Variants in WDR41 observed in about 807,000 individuals in gnomAD.
WDR41 encodes WD repeat domain 41, also known as WD repeat-containing protein 41.
In WDR41, 63 loss-of-function variants were observed where a neutral mutation model predicts 69.3. The ratio of observed to expected loss-of-function variants is 0.91; its 90% confidence interval spans 0.74 to 1.12. The LOEUF (loss-of-function observed/expected upper bound fraction) is 1.12, where lower values mean the gene tolerates loss of function less well. Among genes scored for constraint, WDR41 ranks in the 50% most tolerant of loss-of-function variants. The pLI, the probability that WDR41 is intolerant of heterozygous loss-of-function variation, is 0.00. For synonymous variants in WDR41, 185 were observed against 192.1 expected (o/e 0.96, Z 0.31); for missense variants, 543 against 534.5 (o/e 1.02, Z -0.16).
At chr5:77,596,362 G>T (rs1744227913) in intron 1 of WDR41, among the ~76,000 whole-genome samples, 1 of 152,074 alleles carries the variant, frequency 6.6e-6, no homozygotes, top group Non-Finnish European at 1.5e-5. Context: ...TGGCCAGGAT[G>T]GTCTTGATCT....
intron 1 of WDR41, among the ~76,000 whole-genome samples, chr5:77,507,173 A>T (rs1802122188): frequency 6.6e-6 from 1 of 152,236 alleles, no homozygotes; most frequent in Non-Finnish European, 1.5e-5. Flanking sequence ...GATCTAGCTT[A>T]AAAATAATCA....
At chr5:77,503,877 G>C (rs1228825563) in intron 1 of WDR41, among the ~76,000 whole-genome samples, 6 of 152,168 alleles carry the variant, frequency 3.9e-5, no homozygotes, top group African/African-American at 1.4e-4. Context: ...ACTTAAAGCA[G>C]TGTGTAGAGG....
At chr5:77,483,481 CGTGTGT>C (rs35574463) in intron 2 of WDR41, among the ~76,000 whole-genome samples, 53,734 of 142,988 alleles carry the variant, frequency 0.38, 10,384 homozygotes, top group Non-Finnish European at 0.43. Context: ...CCTGAATACT[CGTGTGT>C]GTGTGTGTGT....
chr5:77,601,568 A>G (rs563578652), intron 1 of WDR41, among the ~76,000 whole-genome samples: 2 of 152,302 alleles, frequency 1.3e-5, no homozygotes, highest in Admixed American at 1.3e-4. Context: ...TGCATTGTAG[A>G]AAACCTTCAC....
chr5:77,569,565 C>G lies in WDR41; in HGVS notation c.42+50914G>C, dbSNP rs1204224092. ...TTACAAAAGCCATTTATATTCAGTA[C>G]TCTTATTTATGCTATCTTTAAAAAT... On this transcript the variant is annotated intron_variant, in intron 1 of 5. Coordinates refer to the WDR41 transcript ENST00000509971. 5.3e-5 allele frequency among the ~76,000 whole-genome samples: 8 copies of G among 152,066 alleles called. No homozygotes were observed. The East Asian group carries it at 1.5e-3, about 29-fold the overall frequency.
intron 1 of WDR41, among the ~76,000 whole-genome samples, chr5:77,543,682 A>G (rs767725146): frequency 2.6e-5 from 4 of 152,162 alleles, no homozygotes; most frequent in Admixed American, 6.5e-5. Flanking sequence ...GCAAAGAATT[A>G]TCGGTGTTCC....
intron 1 of WDR41, among the ~76,000 whole-genome samples, chr5:77,608,971 G>A (rs749889253): frequency 1.3e-5 from 2 of 152,276 alleles, no homozygotes; most frequent in African/African-American, 4.8e-5. Context: ...CTTTTCCGAC[G>A]GGCTTAAAAA....
In WDR41 at chr5:77,431,935, G is replaced by GCACTA. The variant is rs1798739734; in HGVS notation, c.*1195_*1199dup. 6.6e-6 allele frequency: 1 copy of GCACTA among 152,082 alleles called. No homozygotes were observed. The highest frequency in any genetic ancestry group is 6.6e-5 in the Admixed American group (1 of 15,264). The allele number at this position is 152,082 out of a possible 1,614,324, so 9.4% of individuals were successfully genotyped here. On this transcript the variant is annotated 3_prime_UTR_variant, in exon 13 of 13. Coordinates refer to ENST00000296679, the MANE Select transcript of WDR41 (RefSeq NM_018268.4). ...TTTTAGAGCTGCTTGGTGATACTGG[G>GCACTA]CACTACAGATTTAATTGCAAGGCCT...
intron 2 of WDR41, among the ~76,000 whole-genome samples, chr5:77,479,571 G>C (rs1204755333): frequency 6.6e-6 from 1 of 152,156 alleles, no homozygotes; most frequent in Non-Finnish European, 1.5e-5. Flanking sequence ...AAGAAATGGG[G>C]AAACGATTCC....
At chr5:77,508,931 T>C (rs971824914) in intron 1 of WDR41, among the ~76,000 whole-genome samples, 19 of 152,176 alleles carry the variant, frequency 1.2e-4, no homozygotes, top group Non-Finnish European at 1.8e-4. Flanking sequence ...TTCTGCCCCT[T>C]TTTTTGGTCT....
At position 77,535,361 on chromosome 5, in the gene WDR41, C is replaced by T. The variant is rs114435958; in HGVS notation, c.43-45789G>A. On this transcript the variant is annotated intron_variant, in intron 1 of 5. Transcript: ENST00000509971. ...CCGTATGGATGTTTCTCATAAACAC[C>T]GAGGTTTAGAATGTCAAAAGTCATG... 1.5e-3 allele frequency among the ~76,000 whole-genome samples: 229 copies of T among 152,186 alleles called. 2 individuals carry two copies. The highest frequency in any genetic ancestry group is 5.2e-3 in the African/African-American group (218 of 41,524).
At chr5:77,503,070 C>T (rs1802044568) in intron 1 of WDR41, among the ~76,000 whole-genome samples, 1 of 150,556 alleles carries the variant, frequency 6.6e-6, no homozygotes, top group Admixed American at 6.7e-5. Context: ...CACAGACCGG[C>T]AAATTGGATA....
intron 1 of WDR41, among the ~76,000 whole-genome samples, chr5:77,539,697 C>T (rs1743054147): frequency 6.6e-6 from 1 of 152,108 alleles, no homozygotes; most frequent in African/African-American, 2.4e-5. Context: ...ACAAATAGTA[C>T]CAACTTCAAA....
chr5:77,619,785 T>C (rs1485122594), intron 1 of WDR41, among the ~76,000 whole-genome samples: 2 of 152,094 alleles, frequency 1.3e-5, no homozygotes, highest in Admixed American at 6.5e-5. Context: ...ATAGTCTTAC[T>C]GGAAAGCCAG....
intron 1 of WDR41, among the ~76,000 whole-genome samples, chr5:77,550,048 G>T (rs958738650): frequency 1.3e-5 from 2 of 149,734 alleles, no homozygotes; most frequent in Non-Finnish European, 1.5e-5. Flanking sequence ...ATAACCAGAA[G>T]AAAAAAAAAG....
chr5:77,533,958 C>T (rs1419380515), intron 1 of WDR41, among the ~76,000 whole-genome samples: 2 of 152,084 alleles, frequency 1.3e-5, no homozygotes, highest in Admixed American at 1.3e-4. Flanking sequence ...TTACAGTACA[C>T]CAACCAAATA....
chr5:77,491,551 GGTC>G (rs1801789825), intron 1 of WDR41, among the ~76,000 whole-genome samples: 4 of 152,122 alleles, frequency 2.6e-5, no homozygotes, highest in African/African-American at 9.6e-5. Flanking sequence ...CATTACACAC[GGTC>G]TATTCAATTA....
chr5:77,617,340 T>A (rs1744696944), intron 1 of WDR41, among the ~76,000 whole-genome samples: 1 of 152,170 alleles, frequency 6.6e-6, no homozygotes, highest in Admixed American at 6.5e-5. Context: ...AGGAGACTTG[T>A]TATATACAAA....
chr5:77,498,837 G>GAAAAAGAA (rs372466617), intron 1 of WDR41, among the ~76,000 whole-genome samples: 1 of 147,802 alleles, frequency 6.8e-6, no homozygotes, highest in Non-Finnish European at 1.5e-5. Flanking sequence ...AAAGAAAAAA[G>GAAAAAGAA]AAAAAGAAAA....
Sources: gnomAD v4.1 joint callset for allele counts (sites outside exome capture counted in the v4.1 genomes callset) on GRCh38, gnomAD v4.1.1 for gene constraint, MANE v1.5 for transcripts, NCBI Gene and HGNC (gene_info 2026-07-23, HGNC 2026-07-21) for gene names.